The following MARCHF1 variants were observed in gnomAD, a reference collection of about 807,000 sequenced individuals.
MARCHF1 encodes membrane associated ring-CH-type finger 1, also known as E3 ubiquitin-protein ligase MARCHF1.
Under a neutral mutation model 54.2 loss-of-function variants are expected in MARCHF1, and 40 were observed. That is an observed-to-expected ratio of 0.74 (90% confidence interval 0.57 to 0.96). MARCHF1 has a LOEUF of 0.96. MARCHF1 is among the 40% of genes least tolerant of loss of function. The pLI is 0.00. For synonymous variants in MARCHF1, 236 were observed against 236.3 expected (o/e 1.00, Z 0.01); for missense variants, 586 against 656.5 (o/e 0.89, Z 1.17).
At chr4:164,035,690 A>G (rs925580236) in intron 2 of MARCHF1, among the ~76,000 whole-genome samples, 2 of 151,724 alleles carry the variant, frequency 1.3e-5, no homozygotes, top group African/African-American at 4.8e-5. Context: ...AAAAAAATAA[A>G]TGTTTTTAAT....
rs572759491 is a variant in MARCHF1 at position 163,872,901 on chromosome 4, G to A, written c.-38-18732C>T. Among the ~76,000 whole-genome samples, 16 of 151,998 alleles carry A rather than the reference G, an allele frequency of 1.1e-4. No individual in the cohort carries two copies. The South Asian group carries it at 1.9e-3, about 18-fold the overall frequency. On this transcript the variant is annotated intron_variant, in intron 3 of 9. Transcript: ENST00000514618. ...CTACTAAAAATACAAAAAATTAGCCGGGCGTGGTGGCGGGCGCCTGTAGTC... is the reference window on the plus strand; with the variant it reads ...CTACTAAAAATACAAAAAATTAGCCAGGCGTGGTGGCGGGCGCCTGTAGTC...
At chr4:163,625,260 C>T (rs957677788) in intron 5 of MARCHF1, among the ~76,000 whole-genome samples, 14 of 152,184 alleles carry the variant, frequency 9.2e-5, no homozygotes, top group Admixed American at 9.2e-4. Context: ...CCCTTTTCAA[C>T]TTCTACTATG....
rs191533727 is a variant in MARCHF1, at chr4:164,086,876, A to G, written c.-248+24712T>C. On this transcript the variant is annotated intron_variant, in intron 2 of 9. Transcript: ENST00000514618. The stretch of plus-strand genomic sequence containing the variant: ...AAACACCTGTCAAGTGAATGACAGG[A>G]AATATTATAACAATAATTTCAAAAA... 2.0e-5 allele frequency among the ~76,000 whole-genome samples: 3 copies of G among 152,238 alleles called. No homozygotes were observed. In the East Asian group the frequency reaches 5.8e-4, roughly 29 times the overall value.
rs533945741 is a variant in MARCHF1 at position 164,007,574 on chromosome 4, T to C, written c.-247-18865A>G. Among the ~76,000 whole-genome samples, 87 of 151,276 alleles carry C rather than the reference T, an allele frequency of 5.8e-4. 1 individual carries two copies. Among genetic ancestry groups the C allele is most frequent in the African/African-American group, 1.4e-3 (58 of 41,208 alleles). On this transcript the variant is annotated intron_variant, in intron 2 of 9. Coordinates refer to ENST00000514618, the MANE Select transcript of MARCHF1 (RefSeq NM_001394959.1). ...GATAGGTAATATAAAAATATGTAAA[T>C]TGAGACAAGCAAAAGTCAAAATGTG...
intron 1 of MARCHF1, among the ~76,000 whole-genome samples, chr4:164,352,550 C>G (rs1345103600): frequency 1.2e-3 from 167 of 138,152 alleles, no homozygotes; most frequent in East Asian, 2.7e-3. Flanking sequence ...ACTTTACAGA[C>G]AAGCAAATGC....
At chr4:164,352,634 C>A (rs1271063870) in intron 1 of MARCHF1, among the ~76,000 whole-genome samples, 1 of 150,444 alleles carries the variant, frequency 6.6e-6, no homozygotes, top group Non-Finnish European at 1.5e-5. Context: ...AAAGGAACAA[C>A]CGGTACCAGC....
intron 3 of MARCHF1, among the ~76,000 whole-genome samples, chr4:163,981,952 C>G (rs1361760136): frequency 6.6e-6 from 1 of 152,152 alleles, no homozygotes; most frequent in Admixed American, 6.5e-5. Flanking sequence ...ATTGAGGCCA[C>G]AATTTAAAAA....
chr4:163,848,706 G>A (rs1749555943), intron 4 of MARCHF1, among the ~76,000 whole-genome samples: 1 of 152,042 alleles, frequency 6.6e-6, no homozygotes, highest in African/African-American at 2.4e-5. Flanking sequence ...ACAAGAGGAG[G>A]CCACTTCCCG....
intron 5 of MARCHF1, among the ~76,000 whole-genome samples, chr4:163,654,942 A>G (rs981817062): frequency 1.4e-4 from 21 of 151,576 alleles, no homozygotes; most frequent in African/African-American, 4.8e-4. Flanking sequence ...CTTACTGGCC[A>G]TGCTTCTTCT....
chr4:164,176,300 A>G (rs1025850100), intron 1 of MARCHF1, among the ~76,000 whole-genome samples: 3 of 152,202 alleles, frequency 2.0e-5, no homozygotes, highest in African/African-American at 7.2e-5. Context: ...GTTAATTACA[A>G]TATAGTCATT....
intron 4 of MARCHF1, among the ~76,000 whole-genome samples, chr4:163,836,950 A>G (rs978453912): frequency 3.3e-5 from 5 of 152,104 alleles, no homozygotes; most frequent in Non-Finnish European, 7.4e-5. Flanking sequence ...AATTTTAATA[A>G]TTGCTCGTAT....
chr4:163,545,959 G>A (rs201515517), intron 8 of MARCHF1, among the ~76,000 whole-genome samples: 35,564 of 151,142 alleles, frequency 0.24, 5,158 homozygotes, highest in Non-Finnish European at 0.33. Context: ...GTGTGTGTGT[G>A]TGTGTGTGTG....
At chr4:163,944,741 A>T (rs1032387983) in intron 3 of MARCHF1, among the ~76,000 whole-genome samples, 6 of 152,222 alleles carry the variant, frequency 3.9e-5, no homozygotes. Flanking sequence ...CGTTAATTAC[A>T]GGCAGGCATT....
chr4:163,578,197 G>T lies in MARCHF1; in HGVS notation c.1191+7552C>A, dbSNP rs1188894673. 3.3e-5 allele frequency among the ~76,000 whole-genome samples: 5 copies of T among 151,818 alleles called. No individual in the cohort carries two copies. The South Asian group carries it at 1.0e-3, about 31-fold the overall frequency. On this transcript the variant is annotated intron_variant, in intron 8 of 9. Coordinates refer to ENST00000514618, the MANE Select transcript of MARCHF1 (RefSeq NM_001394959.1). ...TATTCTTAGTTCTTGTGTATTCTTA[G>T]TTCTTGTTAAAATAAAAAATGGATT...
intron 1 of MARCHF1, among the ~76,000 whole-genome samples, chr4:164,125,820 T>A (rs1332044857): frequency 6.6e-6 from 1 of 152,212 alleles, no homozygotes; most frequent in East Asian, 1.9e-4. Flanking sequence ...CAAACCCTGT[T>A]GTGAACTGCA....
chr4:164,197,041 A>G (rs1212928079), intron 1 of MARCHF1: 2 of 1,605,342 alleles, frequency 1.2e-6, no homozygotes, highest in South Asian at 2.2e-5. Context: ...TTCTTCACCA[A>G]GCTCTTCTTC....
At chr4:163,692,576 G>T (rs1190741099) in intron 5 of MARCHF1, among the ~76,000 whole-genome samples, 1 of 143,172 alleles carries the variant, frequency 7.0e-6, no homozygotes, top group African/African-American at 2.6e-5. Context: ...CACAGGGCTG[G>T]ATTATGGCTC....
intron 1 of MARCHF1, among the ~76,000 whole-genome samples, chr4:164,118,222 A>T (rs572322996): frequency 6.6e-5 from 10 of 151,916 alleles, no homozygotes; most frequent in Non-Finnish European, 1.3e-4. Flanking sequence ...GGAAAACATT[A>T]ACTTGTACTT....
chr4:164,259,712 T>A (rs1733410542), intron 1 of MARCHF1, among the ~76,000 whole-genome samples: 1 of 152,112 alleles, frequency 6.6e-6, no homozygotes, highest in African/African-American at 2.4e-5. Context: ...GGTAGGTATA[T>A]ATAGGTAAAT....
Sources: gnomAD v4.1 joint callset for allele counts (sites outside exome capture counted in the v4.1 genomes callset) on GRCh38, gnomAD v4.1.1 for gene constraint, MANE v1.5 for transcripts, NCBI Gene and HGNC (gene_info 2026-07-23, HGNC 2026-07-21) for gene names.